Variants in DERA observed in about 807,000 individuals in gnomAD.
DERA encodes the protein deoxyribose-phosphate aldolase, also known as 2-deoxy-D-ribose 5-phosphate aldolase.
A neutral mutation model predicts 41.1 loss-of-function variants in DERA; 15 were observed. The observed-to-expected ratio is 0.37, with a 90% CI of 0.24 to 0.56. The LOEUF (loss-of-function observed/expected upper bound fraction) is 0.56, where lower values mean the gene tolerates loss of function less well. Among genes scored for constraint, DERA ranks in the 20% least tolerant of loss-of-function variants. The probability of loss-of-function intolerance (pLI) is 0.81; values close to 1 mark genes in which losing one functional copy is unlikely to be tolerated. For synonymous variants in DERA, 139 were observed against 137.4 expected (o/e 1.01, Z -0.08); for missense variants, 396 against 403.4 (o/e 0.98, Z 0.16).
At chr12:15,980,236 A>G in intron 5 of DERA, among the ~76,000 whole-genome samples, 1 of 152,342 alleles carries the variant, frequency 6.6e-6, no homozygotes, top group South Asian at 2.1e-4. Flanking sequence ...AATATTATTG[A>G]CACTTTAAGG....
At chr12:15,986,146 T>C (rs1948762769) in intron 6 of DERA, among the ~76,000 whole-genome samples, 1 of 152,180 alleles carries the variant, frequency 6.6e-6, no homozygotes, top group Non-Finnish European at 1.5e-5. Context: ...CTACTAATGA[T>C]GTTCATCTGG....
chr12:15,914,255 G>A (rs1467009640), intron 1 of DERA, among the ~76,000 whole-genome samples: 2 of 152,150 alleles, frequency 1.3e-5, no homozygotes, highest in East Asian at 1.9e-4. Flanking sequence ...AGTGGCGCAT[G>A]CCTGTAGTCC....
chr12:16,011,601 T>A lies in DERA; in HGVS notation c.638-20941T>A, dbSNP rs1180677976. On this transcript the variant is annotated intron_variant, in intron 6 of 8. Transcript: ENST00000428559. This position sits in a 1 kb window ranked among gnomAD's most constrained non-coding sequence, Gnocchi z 4.7. ...GTAAAAGAAAAGAGAATGTGTTAGA[T>A]ACGATTTTGTCATTTTAACATGAGA... Among the ~76,000 whole-genome samples, 1 of 152,188 alleles carries A rather than the reference T, an allele frequency of 6.6e-6. No homozygotes were observed. The highest frequency in any genetic ancestry group is 1.5e-5 in the Non-Finnish European group (1 of 68,030).
intron 1 of DERA, among the ~76,000 whole-genome samples, chr12:15,930,903 G>T (rs1420876321): frequency 1.3e-5 from 2 of 152,090 alleles, no homozygotes; most frequent in Non-Finnish European, 2.9e-5. Flanking sequence ...GTAGTTTGTG[G>T]TAAGAGTAGG....
chr12:16,002,677 G>A (rs1948883610), intron 6 of DERA, among the ~76,000 whole-genome samples: 1 of 152,054 alleles, frequency 6.6e-6, no homozygotes, highest in African/African-American at 2.4e-5. Flanking sequence ...GTCCCATGCT[G>A]TACATCCTCT....
In DERA at chr12:16,013,244, C is replaced by A. The variant is rs770137344; in HGVS notation, c.638-19298C>A. 1.3e-5 allele frequency among the ~76,000 whole-genome samples: 2 copies of A among 152,196 alleles called. No homozygotes were observed. Among genetic ancestry groups the A allele is most frequent in the African/African-American group, 4.8e-5 (2 of 41,456 alleles). On this transcript the variant is annotated intron_variant, in intron 6 of 8. Transcript: ENST00000428559. This position sits in a 1 kb window ranked among gnomAD's most constrained non-coding sequence, Gnocchi z 5.8. ...TAATGCTTAGTTTAATGTGTGACTG[C>A]ACATGCTGTTCATTTGTGATATGGT... is the stretch of plus-strand genomic sequence containing the variant.
intron 5 of DERA, 148 bp downstream of exon 5, chr12:15,963,095 A>G: frequency 8.5e-7 from 1 of 1,172,612 alleles, no homozygotes. Flanking sequence ...GCAGGCTAAG[A>G]TTACCCATCC....
At position 15,997,678 on chromosome 12, in the gene DERA, T is replaced by TA. The variant is rs1434857212; in HGVS notation, c.637+15249dup. Among the ~76,000 whole-genome samples, 6 of 152,134 alleles carry TA rather than the reference T, an allele frequency of 3.9e-5. No individual in the cohort carries two copies. The South Asian group carries it at 6.2e-4, about 16-fold the overall frequency. On this transcript the variant is annotated intron_variant, in intron 6 of 8. Coordinates refer to ENST00000428559, the MANE Select transcript of DERA (RefSeq NM_015954.4). ...CTCTTTTTAAATTTTAACGTGGCTC[T>TA]AAAAAAATCCATAAAATCCATTGAT...
rs755962407 is a variant in DERA, at chr12:15,959,973, T to G, written c.373+49T>G. The G allele has an allele frequency of 7.3e-7, 1 of 1,375,706 alleles. No individual in the cohort carries two copies. The highest frequency in any genetic ancestry group is 1.0e-6 in the Non-Finnish European group (1 of 992,214). 85.2% of individuals were successfully genotyped at this position (1,375,706 alleles called of 1,614,324 possible). Reference sequence around the variant, plus strand: ...TGTTATTTTTTAAACATGTTTCCAGTTCTTCATACAATGGGGTATTATATG... The same window carrying G: ...TGTTATTTTTTAAACATGTTTCCAGGTCTTCATACAATGGGGTATTATATG... On this transcript the variant is annotated intron_variant, in intron 4 of 8. Transcript: ENST00000428559. The surrounding 1 kb of genome is among the most constrained non-coding windows in gnomAD (Gnocchi z 4.5).
intron 5 of DERA, among the ~76,000 whole-genome samples, chr12:15,963,444 G>A (rs558669211): frequency 8.4e-4 from 128 of 152,234 alleles, no homozygotes; most frequent in African/African-American, 3.0e-3. Context: ...CTTAGACACA[G>A]CTCTGATGAC....
intron 1 of DERA, among the ~76,000 whole-genome samples, chr12:15,944,652 G>A (rs1159763441): frequency 6.6e-6 from 1 of 152,188 alleles, no homozygotes; most frequent in Non-Finnish European, 1.5e-5. Context: ...TGGATAGATG[G>A]CAAAAATTTT....
chr12:16,027,645 CAG>C (rs1565618493), intron 6 of DERA, among the ~76,000 whole-genome samples: 2 of 152,200 alleles, frequency 1.3e-5, no homozygotes, highest in South Asian at 2.1e-4. Context: ...AGAGTCTCCA[CAG>C]AGAGTATGGC....
intron 7 of DERA, 159 bp downstream of exon 7, chr12:16,032,813 G>A: frequency 1.7e-6 from 1 of 591,378 alleles, no homozygotes; most frequent in Non-Finnish European, 2.9e-6. Context: ...AGAACACACT[G>A]ATGGAGAAAA....
At position 15,958,326 on chromosome 12, in the gene DERA, C is replaced by G. The variant is rs1489719967; in HGVS notation, c.268C>G (p.His90Asp). 5.0e-6 allele frequency: 8 copies of G among 1,601,696 alleles called. No homozygotes were observed. The highest frequency in any genetic ancestry group is 6.8e-6 in the Non-Finnish European group (8 of 1,174,680). The change falls in exon 3 of 9, where the codon CAT becomes GAT. Residue 90 changes from histidine (H) to aspartate (D), a missense_variant. By Grantham distance (81) the His-to-Asp change is moderately conservative. Coordinates refer to ENST00000428559, the MANE Select transcript of DERA (RefSeq NM_015954.4). Reference sequence around the variant, plus strand: ...AGATCTCTTAAAAGCTTTAAATATGCATGATAAAGGTAATGTTGTTGTGTG... The same window carrying G: ...AGATCTCTTAAAAGCTTTAAATATGGATGATAAAGGTAATGTTGTTGTGTG... ...REDLLKALNM[H>D]DKGITTAAVC...
rs770285455 is a variant in DERA at position 15,990,565 on chromosome 12, A to T, written c.637+8129A>T. On this transcript the variant is annotated intron_variant, in intron 6 of 8. Transcript: ENST00000428559. This position sits in a 1 kb window ranked among gnomAD's most constrained non-coding sequence, Gnocchi z 4.3. ...TCCTTACCCAGATGTTAATCTGAGTATCCATTTGTCGTTTTTTCTGATCCT... is the reference window on the plus strand; with the variant it reads ...TCCTTACCCAGATGTTAATCTGAGTTTCCATTTGTCGTTTTTTCTGATCCT... Among the ~76,000 whole-genome samples, 11 of 152,194 alleles carry T rather than the reference A, an allele frequency of 7.2e-5. No homozygotes were observed. Among genetic ancestry groups the T allele is most frequent in the Middle Eastern group, 3.4e-3 (1 of 294 alleles).
chr12:16,036,136 GGA>G lies in DERA; in HGVS notation c.751-87_751-86del, dbSNP rs1822670892. 4.3e-6 allele frequency: 5 copies of G among 1,153,426 alleles called. No homozygotes were observed. Among genetic ancestry groups the G allele is most frequent in the Non-Finnish European group, 3.4e-6 (3 of 882,838 alleles). 71.4% of individuals were successfully genotyped at this position (1,153,426 alleles called of 1,614,324 possible). On this transcript the variant is annotated intron_variant, in intron 7 of 8. Transcript: ENST00000428559. This position sits in a 1 kb window ranked among gnomAD's most constrained non-coding sequence, Gnocchi z 4.9. ...AAAAGATTTTTTTTCAACAAAAGAG[GGA>G]GAGAGAGAATCAAGACTCTGATAAA... is the stretch of plus-strand genomic sequence containing the variant.
At chr12:15,933,775 A>C (rs929079291) in intron 1 of DERA, among the ~76,000 whole-genome samples, 18 of 152,242 alleles carry the variant, frequency 1.2e-4, no homozygotes, top group African/African-American at 4.3e-4. Flanking sequence ...CTACTAATCT[A>C]TCAGGGCAGG....
chr12:16,034,478 A>G (rs1949113693), intron 7 of DERA, among the ~76,000 whole-genome samples: 1 of 152,166 alleles, frequency 6.6e-6, no homozygotes, highest in African/African-American at 2.4e-5. Flanking sequence ...TTTATTAAGA[A>G]AAAGACAGGT....
chr12:15,976,825 G>C lies in DERA; in HGVS notation c.509-5483G>C, dbSNP rs1307801722. 6.6e-6 allele frequency among the ~76,000 whole-genome samples: 1 copy of C among 152,162 alleles called. No homozygotes were observed. Among genetic ancestry groups the C allele is most frequent in the Non-Finnish European group, 1.5e-5 (1 of 68,036 alleles). On this transcript the variant is annotated intron_variant, in intron 5 of 8. Transcript: ENST00000428559. The surrounding 1 kb of genome is among the most constrained non-coding windows in gnomAD (Gnocchi z 4.1). ...CTTGAGGAGAAAAATGAAGCTTGGAGAGGTTCAGTAACTTTCCCAAGTAAC... is the reference window on the plus strand; with the variant it reads ...CTTGAGGAGAAAAATGAAGCTTGGACAGGTTCAGTAACTTTCCCAAGTAAC...
Sources: gnomAD v4.1 joint callset for allele counts (sites outside exome capture counted in the v4.1 genomes callset) on GRCh38, gnomAD v4.1.1 for gene constraint, Gnocchi (gnomAD v3.1) non-coding constraint, MANE v1.5 for transcripts, NCBI Gene and HGNC (gene_info 2026-07-23, HGNC 2026-07-21) for gene names.